Variants in KCNH1 observed in about 807,000 individuals in gnomAD.
The protein encoded by KCNH1 is voltage-gated delayed rectifier potassium channel KCNH1.
KCNH1 carries 27 observed loss-of-function variants against 69.2 expected under a neutral mutation model. The ratio of observed to expected loss-of-function variants is 0.39; its 90% CI spans 0.29 to 0.54. The LOEUF (loss-of-function observed/expected upper bound fraction) is 0.54, where lower values mean the gene tolerates loss of function less well. Among genes scored for constraint, KCNH1 ranks in the 20% least tolerant of loss-of-function variants. KCNH1 has a pLI of 0.68. For missense variants in KCNH1, 798 were observed against 1,261.6 expected, an observed-to-expected ratio of 0.63 and a Z score of 5.57; for synonymous variants, 456 against 487.7, an observed-to-expected ratio of 0.93 and a Z score of 0.86.
intron 3 of KCNH1, among the ~76,000 whole-genome samples, chr1:211,094,323 C>T (rs1332459596): frequency 1.3e-5 from 2 of 152,132 alleles, no homozygotes; most frequent in Admixed American, 6.5e-5. Flanking sequence ...GCTCAGCTGT[C>T]GCTCACCTCC....
Position 211,019,050 on chromosome 1 carries a change from G to A in KCNH1, c.765C>T (p.Ser255=). 6.2e-7 allele frequency: 1 copy of A among 1,614,052 alleles called. No homozygotes were observed. Among genetic ancestry groups the A allele is most frequent in the Non-Finnish European group, 8.5e-7 (1 of 1,179,968 alleles). Residue 255 remains serine, a synonymous_variant, in exon 6 of 11, where the codon AGC becomes AGT. Coordinates refer to ENST00000271751, the MANE Select transcript of KCNH1 (RefSeq NM_172362.3). ...CCACCAAAAAGATAACATCCACGAT[G>A]CTATCAACAACCAGCCAGGCCACAT... ...QNNVAWLVVD[S]IVDVIFLVDI... is the part of the protein sequence containing the mutation.
intron 6 of KCNH1, among the ~76,000 whole-genome samples, chr1:210,924,414 A>G (rs1475731305): frequency 6.6e-6 from 1 of 152,124 alleles, no homozygotes; most frequent in Non-Finnish European, 1.5e-5. Context: ...GCATTTTTTC[A>G]TTGTGTTATT....
intron 5 of KCNH1, among the ~76,000 whole-genome samples, chr1:211,079,336 A>G (rs1291557165): frequency 1.3e-5 from 2 of 152,194 alleles, no homozygotes; most frequent in Non-Finnish European, 2.9e-5. Flanking sequence ...TAGCCTACCA[A>G]CCAAAAAAAC....
chr1:211,112,768 T>A (rs1356405226), intron 1 of KCNH1, among the ~76,000 whole-genome samples: 1 of 152,140 alleles, frequency 6.6e-6, no homozygotes, highest in Non-Finnish European at 1.5e-5. Flanking sequence ...TTAGAGAGAA[T>A]GGAAGAAAGA....
chr1:211,125,476 A>G (rs1264497451), intron 1 of KCNH1, among the ~76,000 whole-genome samples: 1 of 152,252 alleles, frequency 6.6e-6, no homozygotes. Flanking sequence ...TAATGGAAAT[A>G]AATATAGTCT....
chr1:211,070,642 G>T (rs1371935091), intron 5 of KCNH1, among the ~76,000 whole-genome samples: 1 of 151,238 alleles, frequency 6.6e-6, no homozygotes, highest in Non-Finnish European at 1.5e-5. Flanking sequence ...CGGCCAACAT[G>T]GCGAAACCCC....
chr1:210,783,037 C>T (rs1250338175), intron 9 of KCNH1, among the ~76,000 whole-genome samples: 2 of 152,228 alleles, frequency 1.3e-5, no homozygotes, highest in African/African-American at 2.4e-5. Flanking sequence ...GATAACTTAG[C>T]ACCATGCTTA....
At chr1:211,041,605 C>T (rs1571601178) in intron 5 of KCNH1, among the ~76,000 whole-genome samples, 2 of 152,292 alleles carry the variant, frequency 1.3e-5, no homozygotes, top group Admixed American at 6.5e-5. Flanking sequence ...AGGTCACTTC[C>T]CTGATCAAAA....
intron 6 of KCNH1, among the ~76,000 whole-genome samples, chr1:210,959,987 A>C (rs969948768): frequency 3.3e-5 from 5 of 152,246 alleles, no homozygotes; most frequent in African/African-American, 1.2e-4. Flanking sequence ...CGTCTTCTAC[A>C]TCAATCATGC....
chr1:211,048,228 C>T (rs536303783), intron 5 of KCNH1, among the ~76,000 whole-genome samples: 1 of 152,186 alleles, frequency 6.6e-6, no homozygotes, highest in East Asian at 1.9e-4. Context: ...TTTTACACTG[C>T]CGGTGTGAAT....
chr1:210,792,403 C>G (rs1004348207), intron 9 of KCNH1, among the ~76,000 whole-genome samples: 3 of 152,144 alleles, frequency 2.0e-5, no homozygotes, highest in Admixed American at 6.5e-5. Context: ...CAATTGCATT[C>G]CATTCAGAAA....
At chr1:211,049,412 T>G (rs1690152583) in intron 5 of KCNH1, among the ~76,000 whole-genome samples, 1 of 152,138 alleles carries the variant, frequency 6.6e-6, no homozygotes, top group Non-Finnish European at 1.5e-5. Flanking sequence ...AAAGCTCAGA[T>G]GTGTAAAGGA....
At chr1:210,829,289 T>C (rs1232850487) in intron 7 of KCNH1, among the ~76,000 whole-genome samples, 1 of 152,196 alleles carries the variant, frequency 6.6e-6, no homozygotes, top group East Asian at 1.9e-4. Flanking sequence ...TCCCTCCCTG[T>C]GTACAGTGCT....
intron 5 of KCNH1, among the ~76,000 whole-genome samples, chr1:211,032,521 G>T (rs898338144): frequency 1.3e-5 from 2 of 152,116 alleles, no homozygotes; most frequent in Non-Finnish European, 2.9e-5. Context: ...ATACTACAAG[G>T]CTACAGTAAC....
chr1:210,884,994 T>C (rs1686572146), intron 7 of KCNH1, among the ~76,000 whole-genome samples: 1 of 152,172 alleles, frequency 6.6e-6, no homozygotes, highest in African/African-American at 2.4e-5. Flanking sequence ...TGAAGGGTGA[T>C]TTCTCAATTT....
chr1:211,104,593 T>A (rs954562193), intron 2 of KCNH1, among the ~76,000 whole-genome samples: 2 of 152,038 alleles, frequency 1.3e-5, no homozygotes, highest in East Asian at 3.9e-4. Context: ...GAATGAATAA[T>A]GGCACAGGAG....
At chr1:211,074,120 TTAATACTGAG>T (rs1690693569) in intron 5 of KCNH1, among the ~76,000 whole-genome samples, 1 of 132,474 alleles carries the variant, frequency 7.5e-6, no homozygotes, top group Non-Finnish European at 1.7e-5. Flanking sequence ...AAAAAAAACC[TTAATACTGAG>T]TAACTACTAT....
At chr1:210,709,723 AGAGAG>A (rs1324167668) in intron 10 of KCNH1, among the ~76,000 whole-genome samples, 11 of 63,670 alleles carry the variant, frequency 1.7e-4, no homozygotes, top group South Asian at 6.5e-4. Context: ...GAAAGAAAGA[AGAGAG>A]AGAGAGAGAG....
chr1:210,999,199 C>T (rs2102398179), intron 6 of KCNH1, among the ~76,000 whole-genome samples: 1 of 152,146 alleles, frequency 6.6e-6, no homozygotes, highest in South Asian at 2.1e-4. Flanking sequence ...CACAAAAAAC[C>T]CTTCAAAAAA....
Sources: gnomAD v4.1 joint callset for allele counts (sites outside exome capture counted in the v4.1 genomes callset) on GRCh38, gnomAD v4.1.1 for gene constraint, MANE v1.5 for transcripts, NCBI Gene and HGNC (gene_info 2026-07-23, HGNC 2026-07-21) for gene names.